The following MACF1 variants were observed in gnomAD, a reference collection of about 807,000 sequenced individuals.
MACF1 encodes the protein microtubule actin crosslinking factor 1.
A neutral mutation model predicts 854.8 loss-of-function variants in MACF1; 193 were observed. The observed-to-expected ratio is 0.23, with a 90% confidence interval of 0.20 to 0.25. The LOEUF is 0.25. Ranked by LOEUF, MACF1 falls within the 10% of genes least tolerant of loss-of-function variation. MACF1 has a pLI of 1.00. For missense variants in MACF1, 7,722 were observed against 8,929.1 expected (o/e 0.86, Z 5.45); for synonymous variants, 3,185 against 3,226.7 (o/e 0.99, Z 0.44).
Position 39,283,224 on chromosome 1 carries a change from A to T in MACF1, c.731A>T (p.Gln244Leu). 6.2e-7 allele frequency: 1 copy of T among 1,614,014 alleles called. No individual in the cohort carries two copies. The highest frequency in any genetic ancestry group is 8.5e-7 in the Non-Finnish European group (1 of 1,179,918). The change falls in exon 8 of 101, where the codon CAA becomes CTA. Residue 244 changes from glutamine to leucine, a missense_variant. Transcript: ENST00000564288. The surrounding 1 kb of genome is among the most constrained non-coding windows in gnomAD (Gnocchi z 4.5). Reference protein sequence around the residue: ...DLVDMERVQIQSNRENLEQAF... With the variant: ...DLVDMERVQILSNRENLEQAF... ...GTAGACATGGAGAGGGTGCAAATCCAAAGTAACCGAGAGAATCTGGAACAG... is the reference window on the plus strand; with the variant it reads ...GTAGACATGGAGAGGGTGCAAATCCTAAGTAACCGAGAGAATCTGGAACAG...
chr1:39,451,340 G>T, intron 85 of MACF1, 129 bp downstream of exon 85: 1 of 952,240 alleles, frequency 1.1e-6, no homozygotes, highest in Admixed American at 3.7e-5. Flanking sequence ...GTTGCTTTGT[G>T]TGTTTAAACA....
intron 24 of MACF1, 97 bp downstream of exon 24, chr1:39,309,793 T>A: frequency 1.5e-6 from 2 of 1,297,636 alleles, no homozygotes; most frequent in Non-Finnish European, 2.1e-6. Context: ...CCCACCCAAA[T>A]GGAGTAAAGT....
At chr1:39,279,902 G>T (rs1173577383) in intron 6 of MACF1, among the ~76,000 whole-genome samples, 1 of 151,976 alleles carries the variant, frequency 6.6e-6, no homozygotes, top group Admixed American at 6.6e-5. Flanking sequence ...ATAAAGTGTG[G>T]TCATTACTCG....
At position 39,335,232 on chromosome 1, in the gene MACF1, TCATTGACA is replaced by T; in HGVS notation, c.8647_8654del (p.Leu2883ProfsTer4). ...TAAAGGTAAATCCTTGGGCCAAGTGTCATTGACACACCCTTACTCTGAATGTGATTTTA... is the reference window on the plus strand; with the variant it reads ...TAAAGGTAAATCCTTGGGCCAAGTGTCACCCTTACTCTGAATGTGATTTTA... On this transcript the variant is annotated frameshift_variant, in exon 37 of 101. Transcript: ENST00000564288. LOFTEE classifies it high-confidence loss of function. 1 of 1,614,056 alleles carries T rather than the reference TCATTGACA, an allele frequency of 6.2e-7. No homozygotes were observed. The highest frequency in any genetic ancestry group is 1.1e-5 in the South Asian group (1 of 91,058).
chr1:39,092,143 C>G (rs1641823656), intron 2 of MACF1, among the ~76,000 whole-genome samples: 1 of 152,130 alleles, frequency 6.6e-6, no homozygotes. Context: ...TTAGCCAGGA[C>G]AACCTGAAGA....
intron 58 of MACF1, among the ~76,000 whole-genome samples, chr1:39,402,975 CCT>C (rs1196968276): frequency 1.3e-5 from 2 of 152,006 alleles, no homozygotes; most frequent in African/African-American, 4.8e-5. Flanking sequence ...CTGCACTCAA[CCT>C]CTGAGATGGC....
intron 89 of MACF1, chr1:39,457,529 T>G (rs1272076641): frequency 6.6e-6 from 1 of 152,404 alleles, no homozygotes; most frequent in Admixed American, 6.5e-5. Flanking sequence ...ATGGGTCTGA[T>G]CATGTCTCTT....
intron 40 of MACF1, among the ~76,000 whole-genome samples, chr1:39,345,362 G>C (rs1647020918): frequency 6.6e-6 from 1 of 152,072 alleles, no homozygotes; most frequent in Non-Finnish European, 1.5e-5. Flanking sequence ...TGTAATCCCA[G>C]CACTTTGGGA....
At chr1:39,091,008 T>C (rs1259810028) in intron 2 of MACF1, among the ~76,000 whole-genome samples, 11 of 152,208 alleles carry the variant, frequency 7.2e-5, no homozygotes, top group African/African-American at 2.4e-4. Context: ...TGTCTTGGCT[T>C]TCCTGTAGGA....
At position 39,310,816 on chromosome 1, in the gene MACF1, T is replaced by C. The variant is rs767664027; in HGVS notation, c.3101-15T>C. 1.0e-5 allele frequency: 16 copies of C among 1,597,638 alleles called. No individual in the cohort carries two copies. The highest frequency in any genetic ancestry group is 1.4e-5 in the Non-Finnish European group (16 of 1,171,680). On this transcript the variant is annotated splice_polypyrimidine_tract_variant and intron_variant, in intron 25 of 100. Coordinates refer to ENST00000564288, the MANE Select transcript of MACF1 (RefSeq NM_001394062.1). ...ATGTCGAGCTTACTGGTCTTTTGTG[T>C]TTGTTCATTCACAGAGGACAAAGAG...
At chr1:39,424,538 A>G (rs1643661505) in intron 61 of MACF1, among the ~76,000 whole-genome samples, 1 of 152,150 alleles carries the variant, frequency 6.6e-6, no homozygotes, top group Non-Finnish European at 1.5e-5. Flanking sequence ...TCTTATATTT[A>G]TAAATAATGC....
chr1:39,156,592 C>G (rs541427495), intron 2 of MACF1, among the ~76,000 whole-genome samples: 4 of 152,246 alleles, frequency 2.6e-5, no homozygotes, highest in Admixed American at 2.6e-4. Context: ...GCACTCCAGC[C>G]TGGGTGACAG....
chr1:39,420,303 C>CA (rs111848938), intron 58 of MACF1, among the ~76,000 whole-genome samples: 19 of 152,288 alleles, frequency 1.2e-4, no homozygotes, highest in African/African-American at 4.3e-4. Context: ...TTTGCCTTTT[C>CA]ATTCCTTCAC....
Position 39,486,455 on chromosome 1 carries a change from A to G in MACF1, c.*661A>G, listed in dbSNP as rs12409928. 1 of 152,626 alleles carries G rather than the reference A, an allele frequency of 6.6e-6. No individual in the cohort carries two copies. Among genetic ancestry groups the G allele is most frequent in the Admixed American group, 6.5e-5 (1 of 15,272 alleles). 9.5% of individuals were successfully genotyped at this position (152,626 alleles called of 1,614,324 possible). ...AATAGCTGCTAGAATTCAGGGGTAA[A>G]TGTAAGTGTTCAGAAAACGTCAGAA... On this transcript the variant is annotated 3_prime_UTR_variant, in exon 101 of 101. Transcript: ENST00000564288.
intron 1 of MACF1, among the ~76,000 whole-genome samples, chr1:39,215,054 C>T (rs1015730476): frequency 1.3e-5 from 2 of 152,192 alleles, no homozygotes; most frequent in African/African-American, 4.8e-5. Flanking sequence ...ATATGGAGCT[C>T]TCCCCTCTGT....
chr1:39,412,571 A>C, intron 58 of MACF1: 1 of 1,614,038 alleles, frequency 6.2e-7, no homozygotes, highest in Non-Finnish European at 8.5e-7. Context: ...CTGGTTGAAG[A>C]ACTGAGACTT....
intron 2 of MACF1, among the ~76,000 whole-genome samples, chr1:39,086,152 T>C (rs964213679): frequency 2.6e-5 from 4 of 152,228 alleles, no homozygotes; most frequent in African/African-American, 9.6e-5. Context: ...TTGTACATGC[T>C]AGAGATCAAT....
chr1:39,282,348 G>A lies in MACF1; in HGVS notation c.669G>A (p.Met223Ile). The A allele has an allele frequency of 1.2e-6, 2 of 1,613,998 alleles. No individual in the cohort carries two copies. The highest frequency in any genetic ancestry group is 1.7e-6 in the Non-Finnish European group (2 of 1,179,944). Residue 223 changes from methionine to isoleucine, a missense_variant, in exon 7 of 101, where the codon ATG becomes ATA. By Grantham distance (10) the Met-to-Ile change is conservative (BLOSUM62 1). This residue lies in a region of MACF1 where 108 missense variants were observed against 196.4 expected (regional missense o/e 0.55). Coordinates refer to ENST00000564288, the MANE Select transcript of MACF1 (RefSeq NM_001394062.1). ...NFSSCWSDGKMFNALIHRYRP... is the reference protein window; with the variant it reads ...NFSSCWSDGKIFNALIHRYRP... Reference sequence around the variant, plus strand: ...CCTCCTGCTGGAGTGATGGGAAGATGTTCAATGCACTCATTCACCGATACC... The same window carrying A: ...CCTCCTGCTGGAGTGATGGGAAGATATTCAATGCACTCATTCACCGATACC...
chr1:39,428,474 A>G (rs1371414415), intron 63 of MACF1, among the ~76,000 whole-genome samples, 187 bp downstream of exon 63: 3 of 152,176 alleles, frequency 2.0e-5, no homozygotes, highest in African/African-American at 7.2e-5. Context: ...GGAAATACTT[A>G]TATTTAACAA....
Sources: allele counts gnomAD v4.1 joint callset (sites outside exome capture counted in the v4.1 genomes callset), GRCh38; gene constraint gnomAD v4.1.1; regional missense constraint gnomAD v4.1.1; non-coding constraint Gnocchi (gnomAD v3.1); transcripts MANE v1.5; gene names NCBI Gene and HGNC (gene_info 2026-07-23, HGNC 2026-07-21).